The following CFAP61 variants were observed in gnomAD, a reference collection of about 807,000 sequenced individuals.
CFAP61 encodes the protein cilia- and flagella-associated protein 61.
In CFAP61, 107 loss-of-function variants were observed where a neutral mutation model predicts 135.6. The observed-to-expected ratio is 0.79, with a 90% confidence interval of 0.67 to 0.93. The LOEUF (loss-of-function observed/expected upper bound fraction) is 0.93, where lower values mean the gene tolerates loss of function less well. CFAP61 is among the 40% of genes least tolerant of loss of function. The pLI is 0.00. For missense variants in CFAP61, 1,507 were observed against 1,556.2 expected, an observed-to-expected ratio of 0.97 and a Z score of 0.53; for synonymous variants, 575 against 578.5, an observed-to-expected ratio of 0.99 and a Z score of 0.09.
chr20:20,314,783 G>A (rs1171967657), intron 25 of CFAP61, among the ~76,000 whole-genome samples: 110 of 133,340 alleles, frequency 8.2e-4, no homozygotes, highest in African/African-American at 2.6e-3. Context: ...GAGAATATGC[G>A]GTGTTTGGTT....
intron 9 of CFAP61, 58 bp from the exon 10 acceptor site, chr20:20,159,312 G>T: frequency 1.3e-6 from 2 of 1,534,722 alleles, no homozygotes; most frequent in Non-Finnish European, 1.8e-6. Context: ...CCAGAGCTTG[G>T]ACTCTAAACC....
At chr20:20,110,302 A>T (rs563078129) in intron 8 of CFAP61, among the ~76,000 whole-genome samples, 156 of 152,070 alleles carry the variant, frequency 1.0e-3, no homozygotes, top group Non-Finnish European at 2.0e-3. Context: ...AATATATAAT[A>T]CTATGTATAA....
intron 21 of CFAP61, chr20:20,265,454 A>T (rs758041959): frequency 5.1e-6 from 4 of 779,752 alleles, no homozygotes; most frequent in Non-Finnish European, 9.6e-6. Context: ...TGACTTGCCC[A>T]GTTGTCAGGG....
intron 26 of CFAP61, among the ~76,000 whole-genome samples, chr20:20,357,181 G>A (rs74405778): frequency 2.0e-5 from 2 of 102,402 alleles, no homozygotes; most frequent in Non-Finnish European, 2.3e-5. Flanking sequence ...ACTGAGGGGA[G>A]GTGGTCATAC....
intron 22 of CFAP61, among the ~76,000 whole-genome samples, chr20:20,282,863 T>C (rs1004744489): frequency 1.3e-5 from 2 of 151,060 alleles, no homozygotes; most frequent in Non-Finnish European, 2.9e-5. Flanking sequence ...CTCTTGAACC[T>C]AGGAGGTGGA....
At position 20,090,839 on chromosome 20, in the gene CFAP61, A is replaced by C. The variant is rs1449322116; in HGVS notation, c.567-5A>C. ...ACACTGAACTTCAGCCTTTCTATTA[A>C]ACAGGGTGGAAGACCATGACGATCT... On this transcript the variant is annotated splice_polypyrimidine_tract_variant and splice_region_variant and intron_variant, in intron 6 of 26. Transcript: ENST00000245957. The C allele has an allele frequency of 6.2e-7, 1 of 1,614,074 alleles. No individual in the cohort carries two copies. Among genetic ancestry groups the C allele is most frequent in the Admixed American group, 1.7e-5 (1 of 60,014 alleles).
intron 24 of CFAP61, among the ~76,000 whole-genome samples, chr20:20,296,979 A>G (rs1374689941): frequency 6.6e-6 from 1 of 152,060 alleles, no homozygotes; most frequent in East Asian, 1.9e-4. Flanking sequence ...ACAAAGGACC[A>G]TTTCCTCTCC....
chr20:20,355,408 G>A (rs1383968016), intron 26 of CFAP61, among the ~76,000 whole-genome samples: 1 of 71,754 alleles, frequency 1.4e-5, no homozygotes, highest in Non-Finnish European at 3.0e-5. Flanking sequence ...GTCACACTGT[G>A]AGGGGAGGTG....
intron 13 of CFAP61, among the ~76,000 whole-genome samples, chr20:20,176,852 A>G (rs1363633578): frequency 6.6e-6 from 1 of 152,242 alleles, no homozygotes; most frequent in African/African-American, 2.4e-5. Flanking sequence ...CTGCACATGT[A>G]TCCCAGAACT....
intron 6 of CFAP61, among the ~76,000 whole-genome samples, chr20:20,076,737 A>C (rs1369185166): frequency 6.6e-6 from 1 of 152,214 alleles, no homozygotes; most frequent in African/African-American, 2.4e-5. Context: ...TAAAAGTAAG[A>C]GCCTATGATT....
At chr20:20,066,247 A>G (rs144423045) in intron 2 of CFAP61, among the ~76,000 whole-genome samples, 3,026 of 152,296 alleles carry the variant, frequency 0.02, 36 homozygotes, top group Middle Eastern at 0.048. Flanking sequence ...AATTAGTTCA[A>G]CCATTGTGGA....
chr20:20,179,448 C>A (rs1358547892), intron 13 of CFAP61, among the ~76,000 whole-genome samples: 1 of 152,114 alleles, frequency 6.6e-6, no homozygotes. Context: ...TTAAAATGAC[C>A]ATACTGCCCA....
chr20:20,329,521 G>A (rs113828502), intron 25 of CFAP61, among the ~76,000 whole-genome samples: 19 of 152,138 alleles, frequency 1.2e-4, no homozygotes, highest in Admixed American at 8.5e-4. Flanking sequence ...CTTTGCTTCC[G>A]GCCATACCCT....
chr20:20,105,335 G>T (rs919378739), intron 8 of CFAP61, among the ~76,000 whole-genome samples: 1 of 152,114 alleles, frequency 6.6e-6, no homozygotes, highest in Non-Finnish European at 1.5e-5. Flanking sequence ...GGAGGCTAGG[G>T]TGAGTTCTGG....
At chr20:20,190,140 C>G (rs79371187) in intron 14 of CFAP61, among the ~76,000 whole-genome samples, 4,368 of 152,294 alleles carry the variant, frequency 0.029, 226 homozygotes, top group African/African-American at 0.099. Flanking sequence ...AACATTTGCA[C>G]TTGTGGGCAT....
At chr20:20,284,386 C>T (rs758362307) in intron 22 of CFAP61, among the ~76,000 whole-genome samples, 6 of 151,982 alleles carry the variant, frequency 3.9e-5, no homozygotes, top group African/African-American at 1.2e-4. Context: ...CCCAGGTTCA[C>T]GCCATTCTCC....
intron 8 of CFAP61, among the ~76,000 whole-genome samples, chr20:20,132,863 T>G (rs891398927): frequency 6.6e-6 from 1 of 152,154 alleles, no homozygotes; most frequent in Non-Finnish European, 1.5e-5. Context: ...CCTTCTATTT[T>G]TACCCTTTCT....
chr20:20,062,180 C>T (rs2044855597), intron 2 of CFAP61, among the ~76,000 whole-genome samples: 1 of 152,154 alleles, frequency 6.6e-6, no homozygotes, highest in South Asian at 2.1e-4. Flanking sequence ...CTTCCAGGCA[C>T]ACCCCAGCCC....
intron 18 of CFAP61, among the ~76,000 whole-genome samples, chr20:20,232,047 C>G (rs2049179933): frequency 6.6e-6 from 1 of 152,166 alleles, no homozygotes; most frequent in Non-Finnish European, 1.5e-5. Context: ...AAACCTCCAA[C>G]CACTGGAGAA....
Sources: allele counts gnomAD v4.1 joint callset (sites outside exome capture counted in the v4.1 genomes callset), GRCh38; gene constraint gnomAD v4.1.1; transcripts MANE v1.5; gene names NCBI Gene and HGNC (gene_info 2026-07-23, HGNC 2026-07-21).